Variants in PLXNB3 observed in about 807,000 individuals in gnomAD.
PLXNB3 encodes plexin B3, also known as plexin-B3.
Under a neutral mutation model 125.7 loss-of-function variants are expected in PLXNB3, and 80 were observed. The observed-to-expected ratio is 0.64, with a 90% CI of 0.53 to 0.77. The LOEUF (loss-of-function observed/expected upper bound fraction) is 0.77, where lower values mean the gene tolerates loss of function less well. PLXNB3 is among the 30% of genes least tolerant of loss of function. The pLI, the probability that PLXNB3 is intolerant of heterozygous loss-of-function variation, is 0.00. For missense variants in PLXNB3, 1,836 were observed against 1,729.3 expected, an observed-to-expected ratio of 1.06 and a Z score of -1.09; for synonymous variants, 954 against 783.3, an observed-to-expected ratio of 1.22 and a Z score of -3.64.
chrX:153,773,875 C>A lies in PLXNB3; in HGVS notation c.3296C>A (p.Ser1099Tyr). The change falls in exon 20 of 36, where the codon TCC becomes TAC. Residue 1099 changes from serine to tyrosine, a missense_variant. Ser to Tyr is a moderately radical substitution (Grantham distance 144). Coordinates refer to ENST00000361971, the MANE Select transcript of PLXNB3 (RefSeq NM_005393.3). ...GGLLQCSTVC[S>Y]VNSSSLLLCR... ...GCCCCACAGTGCTCCACCGTCTGCT[C>A]CGTCAACTCGTCCAGCCTCCTCCTG... 1 of 1,211,375 alleles carries A rather than the reference C, an allele frequency of 8.3e-7. No homozygotes were observed. The highest frequency in any genetic ancestry group is 1.1e-6 in the Non-Finnish European group (1 of 895,528).
In PLXNB3 at chrX:153,769,893, T is replaced by A; in HGVS notation, c.1583T>A (p.Ile528Asn). 8.3e-7 allele frequency: 1 copy of A among 1,208,518 alleles called. No individual in the cohort carries two copies. The highest frequency in any genetic ancestry group is 1.1e-6 in the Non-Finnish European group (1 of 894,572). Residue 528 changes from isoleucine to asparagine, a missense_variant, in exon 7 of 36, where the codon ATC becomes AAC. Transcript: ENST00000361971. Reference protein sequence around the residue: ...SYEEDSHCLHIQSLLPGHHPR... With the variant: ...SYEEDSHCLHNQSLLPGHHPR... ...GAGGAGGACAGCCACTGCCTGCACA[T>A]CCAGAGCCTGCTGCCGGGCCACCAC...
rs1235326883 is a variant in PLXNB3, at chrX:153,772,021, G to A, written c.2669+6G>A. The A allele has an allele frequency of 5.1e-6, 6 of 1,184,696 alleles. No homozygotes were observed. Among genetic ancestry groups the A allele is most frequent in the Middle Eastern group, 2.4e-4 (1 of 4,246 alleles). Reference sequence around the variant, plus strand: ...CTCTACCGCACGTCGGCCCGGTGAGGCACTTGGAGGGTGAAGATGGGTGGG... The same window carrying A: ...CTCTACCGCACGTCGGCCCGGTGAGACACTTGGAGGGTGAAGATGGGTGGG... On this transcript the variant is annotated splice_donor_region_variant and intron_variant, in intron 15 of 35. Coordinates refer to ENST00000361971, the MANE Select transcript of PLXNB3 (RefSeq NM_005393.3).
chrX:153,772,600 G>C, intron 16 of PLXNB3: 2 of 754,467 alleles, frequency 2.7e-6, no homozygotes, highest in Non-Finnish European at 3.5e-6. Flanking sequence ...AGAGCTCCAG[G>C]TCTGGGGGCT....
chrX:153,767,993 G>A, intron 3 of PLXNB3, 80 bp downstream of exon 3: 3 of 1,000,662 alleles, frequency 3.0e-6, no homozygotes, highest in Non-Finnish European at 3.9e-6. Flanking sequence ...CCTGCCCATG[G>A]GAAGTGCCAG....
chrX:153,776,248 G>A (rs1187024113), intron 27 of PLXNB3, 34 bp downstream of exon 27: 1 of 1,094,508 alleles, frequency 9.1e-7, no homozygotes. Flanking sequence ...CCACCCCAGG[G>A]ACCCTTCCCT....
rs111247447 is a variant in PLXNB3 at position 153,767,244 on chromosome X, G to A, written c.417G>A (p.Val139=). 2.6e-3 allele frequency: 3,150 copies of A among 1,204,515 alleles called. 31 individuals carry two copies. The African/African-American group carries it at 0.041, about 16-fold the overall frequency. ...CCTGCGGGCAGGTGCGGCAGGGCGT[G>A]TGTGAGACACGGCGCCTTGGGGATG... ...LVACGQVRQG[V]CETRRLGDVA... Residue 139 remains valine (V), a synonymous_variant, in exon 3 of 36, where the codon GTG becomes GTA. Transcript: ENST00000361971.
At position 153,771,132 on chromosome X, in the gene PLXNB3, C is replaced by T. The variant is rs2148421270; in HGVS notation, c.2253+51C>T. 5 of 1,058,405 alleles carry T rather than the reference C, an allele frequency of 4.7e-6. No individual in the cohort carries two copies. The East Asian group carries it at 1.2e-4, about 26-fold the overall frequency. The allele number at this position is 1,058,405 out of a possible 1,213,427, so 87.2% of individuals were successfully genotyped here. The stretch of plus-strand genomic sequence containing the variant: ...TTGCCCCCAAGCTTCCGTAGACCCT[C>T]AGGGGTCTGCCATCTTTGTGGAGAG... On this transcript the variant is annotated intron_variant, in intron 12 of 35. Transcript: ENST00000361971.
chrX:153,766,378 C>T, intron 2 of PLXNB3: 1 of 1,106,540 alleles, frequency 9.0e-7, no homozygotes, highest in Middle Eastern at 2.5e-4. Flanking sequence ...CCTCACTCCT[C>T]TCACCTGACT....
At chrX:153,772,738 G>T in intron 16 of PLXNB3, 148 bp from the exon 17 acceptor site, 2 of 1,037,211 alleles carry the variant, frequency 1.9e-6, no homozygotes, top group African/African-American at 1.9e-5. Context: ...CAGTGGCCTC[G>T]GGAAGGAGGG....
In PLXNB3 at chrX:153,777,935, C is replaced by A. The variant is rs781980475; in HGVS notation, c.5262-13C>A. ...GCCAGGGCCTCACGCCCACGCCTGC[C>A]CTGCGCCCCCAGTCTGCTGCTGCGG... is the stretch of plus-strand genomic sequence containing the variant. On this transcript the variant is annotated splice_polypyrimidine_tract_variant and intron_variant, in intron 31 of 35. Coordinates refer to ENST00000361971, the MANE Select transcript of PLXNB3 (RefSeq NM_005393.3). The A allele has an allele frequency of 3.3e-6, 4 of 1,200,250 alleles. No homozygotes were observed. In the African/African-American group the frequency reaches 7.0e-5, roughly 21 times the overall value.
Position 153,778,327 on chromosome X carries a change from T to G in PLXNB3, c.5474+2T>G. On this transcript the variant is annotated splice_donor_variant, in intron 33 of 35. Coordinates refer to ENST00000361971, the MANE Select transcript of PLXNB3 (RefSeq NM_005393.3). LOFTEE classifies it high-confidence loss of function. ...ACGCTACAAGCAGATGGTGGAGAGG[T>G]GGGTGTCAGAGGCATCGGGGCTGCG... is the stretch of plus-strand genomic sequence containing the variant. 1 of 1,201,994 alleles carries G rather than the reference T, an allele frequency of 8.3e-7. No homozygotes were observed.
In PLXNB3 at chrX:153,772,027, G is replaced by C. The variant is rs1557062150; in HGVS notation, c.2669+12G>C. On this transcript the variant is annotated intron_variant, in intron 15 of 35. Transcript: ENST00000361971. ...CGCACGTCGGCCCGGTGAGGCACTT[G>C]GAGGGTGAAGATGGGTGGGGAGGCC... The C allele has an allele frequency of 8.5e-6, 10 of 1,180,426 alleles. No homozygotes were observed. Among genetic ancestry groups the C allele is most frequent in the Non-Finnish European group, 1.1e-5 (10 of 879,502 alleles).
chrX:153,774,130 G>C lies in PLXNB3; in HGVS notation c.3519+32G>C, dbSNP rs187429000. 4 of 1,196,647 alleles carry C rather than the reference G, an allele frequency of 3.3e-6. No homozygotes were observed. In the African/African-American group the frequency reaches 7.0e-5, roughly 21 times the overall value. Reference sequence around the variant, plus strand: ...GCCACCTTCAACCCTGCCCCGCCACGGTGCTCAGGCCGCCTCTGTGGGGGC... The same window carrying C: ...GCCACCTTCAACCCTGCCCCGCCACCGTGCTCAGGCCGCCTCTGTGGGGGC... On this transcript the variant is annotated intron_variant, in intron 20 of 35. Coordinates refer to ENST00000361971, the MANE Select transcript of PLXNB3 (RefSeq NM_005393.3).
chrX:153,765,547 C>T lies in PLXNB3; in HGVS notation c.12C>T (p.Ala4=), dbSNP rs782458290. Residue 4 remains alanine, a synonymous_variant, in exon 2 of 36, where the codon GCC becomes GCT. Transcript: ENST00000361971. ...GCTGAACTGAGCGTATGTGCCACGC[C>T]GCCCAGGAGACCCCTCTGCTGCACC... MCH[A]AQETPLLHHF... The T allele has an allele frequency of 9.2e-6, 11 of 1,197,050 alleles. No homozygotes were observed. The South Asian group carries it at 1.1e-4, about 12-fold the overall frequency.
At chrX:153,768,133 G>A in intron 3 of PLXNB3, 116 bp from the exon 4 acceptor site, 2 of 860,782 alleles carry the variant, frequency 2.3e-6, no homozygotes, top group East Asian at 6.5e-5. Flanking sequence ...CCTGATTGCT[G>A]GGCCTTGGGG....
intron 4 of PLXNB3, 97 bp downstream of exon 4, chrX:153,768,525 G>C: frequency 2.4e-6 from 2 of 830,946 alleles, no homozygotes; most frequent in Non-Finnish European, 3.4e-6. Flanking sequence ...CGCATCCCAC[G>C]GTTGGGTCAG....
rs782805640 is a variant in PLXNB3, at chrX:153,766,861, G to C, written c.46-12G>C. 24 of 1,182,313 alleles carry C rather than the reference G, an allele frequency of 2.0e-5. No individual in the cohort carries two copies. In the African/African-American group the frequency reaches 3.9e-4, roughly 19 times the overall value. ...TTGCGCTCCCACTGCCCTGACCTGT[G>C]CCCTCTCACAGGCCCCCGTGATGGC... On this transcript the variant is annotated splice_polypyrimidine_tract_variant and intron_variant, in intron 2 of 35. Coordinates refer to ENST00000361971, the MANE Select transcript of PLXNB3 (RefSeq NM_005393.3).
At position 153,771,497 on chromosome X, in the gene PLXNB3, G is replaced by C; in HGVS notation, c.2359G>C (p.Asp787His). The C allele has an allele frequency of 8.3e-7, 1 of 1,205,036 alleles. No homozygotes were observed. Among genetic ancestry groups the C allele is most frequent in the South Asian group, 1.8e-5 (1 of 56,207 alleles). ...NTHALYVILY[D>H]CAMGHPDCSH... is the part of the protein sequence containing the mutation. The stretch of plus-strand genomic sequence containing the variant: ...CTGACCCTCCCTAGTGATCCTGTAC[G>C]ACTGCGCCATGGGCCACCCGGACTG... The change falls in exon 14 of 36, where the codon GAC becomes CAC. Residue 787 changes from aspartate (D) to histidine (H), a missense_variant. Coordinates refer to ENST00000361971, the MANE Select transcript of PLXNB3 (RefSeq NM_005393.3).
At position 153,773,016 on chromosome X, in the gene PLXNB3, T is replaced by C. The variant is rs782590898; in HGVS notation, c.2906T>C (p.Ile969Thr). ...SAFVGGQPCPILEPVCPEAIV... is the reference protein window; with the variant it reads ...SAFVGGQPCPTLEPVCPEAIV... ...TTCGTGGGTGGCCAACCCTGTCCCA[T>C]GTGAGTCCCGGCCTGGCTGCCGTCG... is the stretch of plus-strand genomic sequence containing the variant. Residue 969 changes from isoleucine to threonine, a missense_variant and splice_region_variant, in exon 17 of 36, where the codon ATC becomes ACC. Physicochemically the swap from Ile to Thr is moderately conservative, Grantham distance 89. Transcript: ENST00000361971. The C allele has an allele frequency of 3.4e-6, 4 of 1,171,568 alleles. No individual in the cohort carries two copies. Among genetic ancestry groups the C allele is most frequent in the African/African-American group, 1.8e-5 (1 of 55,809 alleles).
Sources: allele counts gnomAD v4.1 joint callset, GRCh38; gene constraint gnomAD v4.1.1; transcripts MANE v1.5; gene names NCBI Gene and HGNC (gene_info 2026-07-23, HGNC 2026-07-21).